CIMIP6: variants seen among roughly 807,000 people sequenced by gnomAD.
The protein encoded by CIMIP6 is uncharacterized protein C2orf73.
chr2:54,377,782 T>C, the CIMIP6 span, among the ~76,000 whole-genome samples: 1 of 151,604 alleles, frequency 6.6e-6, no homozygotes, highest in Admixed American at 6.6e-5. Context: ...AAGGCACAGA[T>C]GTTGGAGTCA....
At chr2:54,375,273 A>G in the CIMIP6 span, among the ~76,000 whole-genome samples, 2 of 152,224 alleles carry the variant, frequency 1.3e-5, no homozygotes, top group East Asian at 1.9e-4. Flanking sequence ...ATATAAAGAT[A>G]TTAAAAGTTT....
At chr2:54,338,356 G>GTAAAACAGTAAATTTTTTGTTAGTCTTTC in the CIMIP6 span, among the ~76,000 whole-genome samples, 22 of 107,388 alleles carry the variant, frequency 2.0e-4, 1 homozygote, top group South Asian at 5.0e-4. Context: ...GATGGCTTGA[G>GTAAAACAGTAAATTTTTTGTTAGTCTTTC]CTCAGGAGTT....
the CIMIP6 span, among the ~76,000 whole-genome samples, chr2:54,356,049 G>A: frequency 2.0e-5 from 3 of 151,556 alleles, no homozygotes; most frequent in Admixed American, 1.3e-4. Flanking sequence ...GAGAGCTTCT[G>A]GTATCACAAA....
chr2:54,350,836 C>A, the CIMIP6 span, among the ~76,000 whole-genome samples: 1 of 152,164 alleles, frequency 6.6e-6, no homozygotes, highest in Non-Finnish European at 1.5e-5. Context: ...CAGCTAAATG[C>A]AGAATTCTGG....
At chr2:54,367,271 G>C in the CIMIP6 span, among the ~76,000 whole-genome samples, 2 of 152,068 alleles carry the variant, frequency 1.3e-5, no homozygotes, top group Non-Finnish European at 2.9e-5. Context: ...CTATGAGGAT[G>C]TTCTTTCATG....
the CIMIP6 span, among the ~76,000 whole-genome samples, chr2:54,346,315 G>A: frequency 6.6e-6 from 1 of 152,168 alleles, no homozygotes; most frequent in African/African-American, 2.4e-5. Flanking sequence ...TGCAATATAG[G>A]TAATCAGTTG....
At chr2:54,351,075 T>C in the CIMIP6 span, among the ~76,000 whole-genome samples, 2 of 152,254 alleles carry the variant, frequency 1.3e-5, no homozygotes, top group Non-Finnish European at 2.9e-5. Context: ...GTTTCAAGTC[T>C]TTAATTTTTA....
the CIMIP6 span, among the ~76,000 whole-genome samples, chr2:54,335,257 T>C: frequency 6.6e-6 from 1 of 152,188 alleles, no homozygotes; most frequent in Admixed American, 6.5e-5. Flanking sequence ...GGTCAGATTA[T>C]TGCCACAAAG....
At chr2:54,372,557 T>C in the CIMIP6 span, among the ~76,000 whole-genome samples, 3 of 152,152 alleles carry the variant, frequency 2.0e-5, no homozygotes, top group African/African-American at 7.2e-5. Flanking sequence ...GAAGAGGTCA[T>C]AAAAGTCCAC....
chr2:54,372,620 C>G, the CIMIP6 span, among the ~76,000 whole-genome samples: 2 of 152,188 alleles, frequency 1.3e-5, no homozygotes, highest in East Asian at 3.9e-4. Context: ...GTCATGCCAA[C>G]CAGCAGTCTT....
chr2:54,348,157 C>G, the CIMIP6 span, among the ~76,000 whole-genome samples: 8 of 152,144 alleles, frequency 5.3e-5, no homozygotes, highest in Admixed American at 5.2e-4. Flanking sequence ...CAGTATTAAA[C>G]TTAGTATTAT....
the CIMIP6 span, among the ~76,000 whole-genome samples, chr2:54,373,512 C>T: frequency 6.6e-6 from 1 of 152,216 alleles, no homozygotes; most frequent in South Asian, 2.1e-4. Flanking sequence ...ATACTTGTTC[C>T]AGGGCTTGCC....
chr2:54,355,612 A>G, the CIMIP6 span, among the ~76,000 whole-genome samples: 1 of 151,588 alleles, frequency 6.6e-6, no homozygotes, highest in African/African-American at 2.4e-5. Context: ...TCCACCTTCC[A>G]TGTCTCTGAG....
chr2:54,353,002 T>G, the CIMIP6 span, among the ~76,000 whole-genome samples: 1 of 152,210 alleles, frequency 6.6e-6, no homozygotes, highest in Non-Finnish European at 1.5e-5. Context: ...ATCTCCACTG[T>G]CCTGCTCCTT....
At chr2:54,338,060 C>T in the CIMIP6 span, among the ~76,000 whole-genome samples, 1 of 151,168 alleles carries the variant, frequency 6.6e-6, no homozygotes, top group Non-Finnish European at 1.5e-5. Context: ...TTGCTTGCAC[C>T]TGGGAGGTCA....
At chr2:54,351,663 T>G in the CIMIP6 span, among the ~76,000 whole-genome samples, 1 of 152,080 alleles carries the variant, frequency 6.6e-6, no homozygotes, top group South Asian at 2.1e-4. Flanking sequence ...AAATAACTAA[T>G]GGGTACTAGG....
At chr2:54,337,200 G>A in the CIMIP6 span, among the ~76,000 whole-genome samples, 1 of 152,168 alleles carries the variant, frequency 6.6e-6, no homozygotes, top group Non-Finnish European at 1.5e-5. Flanking sequence ...GATGGAGATT[G>A]CTTTTTGTGA....
the CIMIP6 span, among the ~76,000 whole-genome samples, chr2:54,352,040 A>G: frequency 6.6e-6 from 1 of 152,146 alleles, no homozygotes; most frequent in South Asian, 2.1e-4. Flanking sequence ...ATAAACTCAG[A>G]TATCTTAAAT....
chr2:54,335,029 G>A, the CIMIP6 span: 3 of 1,582,760 alleles, frequency 1.9e-6, no homozygotes, highest in Admixed American at 3.6e-5. Flanking sequence ...ATACAGGTTG[G>A]ACAGATGTTC....
Sources: gnomAD v4.1 joint callset for allele counts (sites outside exome capture counted in the v4.1 genomes callset) on GRCh38, gnomAD v4.1.1 for gene constraint, MANE v1.5 for transcripts, NCBI Gene and HGNC (gene_info 2026-07-23, HGNC 2026-07-21) for gene names.